The following PAPPA2 variants were observed in gnomAD, a reference collection of about 807,000 sequenced individuals.
PAPPA2 encodes the protein pappalysin-2.
In PAPPA2, 86 loss-of-function variants were observed where a neutral mutation model predicts 176.4. That is an observed-to-expected ratio of 0.49 (90% confidence interval 0.41 to 0.58). The LOEUF is 0.58. PAPPA2 is among the 20% of genes least tolerant of loss of function. PAPPA2 has a pLI of 0.00. For missense variants in PAPPA2, 2,073 were observed against 2,256.9 expected (o/e 0.92, Z 1.65); for synonymous variants, 809 against 852.2 (o/e 0.95, Z 0.88).
chr1:176,699,083 T>C lies in PAPPA2; in HGVS notation c.2747-17T>C, dbSNP rs1361310454. The C allele has an allele frequency of 1.9e-6, 3 of 1,597,204 alleles. No homozygotes were observed. The highest frequency in any genetic ancestry group is 2.6e-6 in the Non-Finnish European group (3 of 1,169,376). ...AATGGCTGCTACTGATGTATCTTTC[T>C]GCTAATCTCCCCCCAGGGCCTCCTG... is the stretch of plus-strand genomic sequence containing the variant. On this transcript the variant is annotated splice_polypyrimidine_tract_variant and intron_variant, in intron 7 of 22. Transcript: ENST00000367662.
At chr1:176,645,187 G>C (rs1486657846) in intron 3 of PAPPA2, among the ~76,000 whole-genome samples, 2 of 151,576 alleles carry the variant, frequency 1.3e-5, no homozygotes, top group African/African-American at 2.4e-5. Flanking sequence ...ACTAGGTCTT[G>C]TTTCTTCTTT....
intron 6 of PAPPA2, among the ~76,000 whole-genome samples, chr1:176,694,054 C>G (rs1464999674): frequency 6.6e-6 from 1 of 152,190 alleles, no homozygotes; most frequent in Admixed American, 6.5e-5. Flanking sequence ...GACCTCCCAA[C>G]ATGTGTGTCA....
chr1:176,756,316 A>T (rs1663415819), intron 14 of PAPPA2, among the ~76,000 whole-genome samples: 1 of 152,106 alleles, frequency 6.6e-6, no homozygotes, highest in Non-Finnish European at 1.5e-5. Context: ...CATTGTCTTC[A>T]TGTTGAATAG....
intron 22 of PAPPA2, 33 bp downstream of exon 22, chr1:176,840,304 G>C: frequency 1.3e-6 from 2 of 1,541,976 alleles, no homozygotes; most frequent in Non-Finnish European, 1.8e-6. Flanking sequence ...GGGGGAGGCA[G>C]TGGCTTCAGG....
intron 1 of PAPPA2, among the ~76,000 whole-genome samples, chr1:176,490,535 T>A (rs898779206): frequency 6.6e-6 from 1 of 152,152 alleles, no homozygotes; most frequent in African/African-American, 2.4e-5. Context: ...GAAACCTATG[T>A]CTGTTTGGCA....
At chr1:176,628,761 C>T (rs988441798) in intron 3 of PAPPA2, among the ~76,000 whole-genome samples, 1 of 152,188 alleles carries the variant, frequency 6.6e-6, no homozygotes, top group Non-Finnish European at 1.5e-5. Flanking sequence ...TTTGCTTTAT[C>T]ATTTGGAATT....
chr1:176,691,497 C>T (rs541128900), intron 5 of PAPPA2, among the ~76,000 whole-genome samples: 1 of 152,198 alleles, frequency 6.6e-6, no homozygotes, highest in Non-Finnish European at 1.5e-5. Context: ...GGAGGCAGCA[C>T]CTTTGAAGCG....
chr1:176,755,912 G>GA (rs943570332), intron 14 of PAPPA2, among the ~76,000 whole-genome samples: 1 of 152,024 alleles, frequency 6.6e-6, no homozygotes, highest in Non-Finnish European at 1.5e-5. Flanking sequence ...GTAAGCTAGA[G>GA]AAAAAATGTT....
chr1:176,548,182 C>A (rs1253587575), intron 1 of PAPPA2, among the ~76,000 whole-genome samples: 1 of 152,062 alleles, frequency 6.6e-6, no homozygotes, highest in Non-Finnish European at 1.5e-5. Context: ...AAATAGAAAA[C>A]ATAACATGTA....
At chr1:176,524,746 G>C (rs1259595527) in intron 1 of PAPPA2, among the ~76,000 whole-genome samples, 1 of 152,176 alleles carries the variant, frequency 6.6e-6, no homozygotes, top group Non-Finnish European at 1.5e-5. Context: ...AGCCTTGGTC[G>C]GGCGCGGTGG....
At chr1:176,746,607 AT>A (rs535945421) in intron 14 of PAPPA2, among the ~76,000 whole-genome samples, 356 of 152,248 alleles carry the variant, frequency 2.3e-3, no homozygotes, top group African/African-American at 8.0e-3. Context: ...AGAAATTCAT[AT>A]TTTTTTAATG....
intron 1 of PAPPA2, among the ~76,000 whole-genome samples, chr1:176,507,254 T>G: frequency 6.6e-6 from 1 of 152,090 alleles, no homozygotes; most frequent in Non-Finnish European, 1.5e-5. Context: ...CTCACAGCAG[T>G]CAGAATGACT....
At chr1:176,639,759 G>C (rs1265550403) in intron 3 of PAPPA2, among the ~76,000 whole-genome samples, 1 of 149,706 alleles carries the variant, frequency 6.7e-6, no homozygotes, top group Non-Finnish European at 1.5e-5. Flanking sequence ...TTGTTGCCCA[G>C]GCTGGAGTGC....
chr1:176,774,331 A>G (rs368619509), intron 17 of PAPPA2, among the ~76,000 whole-genome samples: 2 of 152,164 alleles, frequency 1.3e-5, no homozygotes, highest in Admixed American at 6.6e-5. Context: ...AAGGCCCATA[A>G]GACCAACTGC....
At chr1:176,792,446 G>C (rs113766562) in intron 19 of PAPPA2, among the ~76,000 whole-genome samples, 22 of 152,194 alleles carry the variant, frequency 1.4e-4, no homozygotes, top group African/African-American at 5.3e-4. Flanking sequence ...CTTGTGGTCA[G>C]GCATAGAGTA....
chr1:176,649,160 T>C (rs1003347060), intron 3 of PAPPA2, among the ~76,000 whole-genome samples: 7 of 151,310 alleles, frequency 4.6e-5, no homozygotes, highest in African/African-American at 1.7e-4. Context: ...GTTCAATCTT[T>C]GTAGGTTGTA....
At chr1:176,754,713 C>G (rs1663337003) in intron 14 of PAPPA2, among the ~76,000 whole-genome samples, 1 of 152,202 alleles carries the variant, frequency 6.6e-6, no homozygotes, top group Non-Finnish European at 1.5e-5. Flanking sequence ...CTGGCCCTGT[C>G]AGTATAGTCT....
rs570232703 is a variant in PAPPA2 at position 176,780,718 on chromosome 1, A to G, written c.4716-9091A>G. 5.9e-5 allele frequency among the ~76,000 whole-genome samples: 9 copies of G among 152,270 alleles called. No homozygotes were observed. In the East Asian group the frequency reaches 1.4e-3, roughly 23 times the overall value. Reference sequence around the variant, plus strand: ...TGTTTTTACAACCGCAAGACCTAATATAATAAATAGGCATATTCTCGGTGC... The same window carrying G: ...TGTTTTTACAACCGCAAGACCTAATGTAATAAATAGGCATATTCTCGGTGC... On this transcript the variant is annotated intron_variant, in intron 17 of 22. Coordinates refer to ENST00000367662, the MANE Select transcript of PAPPA2 (RefSeq NM_020318.3).
intron 12 of PAPPA2, among the ~76,000 whole-genome samples, chr1:176,737,129 T>G (rs1324601950): frequency 6.6e-6 from 1 of 152,096 alleles, no homozygotes; most frequent in Non-Finnish European, 1.5e-5. Flanking sequence ...ATAGTGACCA[T>G]TCTATGTATT....
Sources: allele counts gnomAD v4.1 joint callset (sites outside exome capture counted in the v4.1 genomes callset), GRCh38; gene constraint gnomAD v4.1.1; transcripts MANE v1.5; gene names NCBI Gene and HGNC (gene_info 2026-07-23, HGNC 2026-07-21).